Variants in TENM3 observed in about 807,000 individuals in gnomAD.
TENM3 encodes the protein teneurin-3.
Under a neutral mutation model 255.1 loss-of-function variants are expected in TENM3, and 63 were observed. The ratio of observed to expected loss-of-function variants is 0.25; its 90% CI spans 0.20 to 0.30. The LOEUF (loss-of-function observed/expected upper bound fraction) is 0.30. Among genes scored for constraint, TENM3 ranks in the 10% least tolerant of loss-of-function variants. The pLI is 1.00. For synonymous variants in TENM3, 1,306 were observed against 1,322.3 expected (o/e 0.99, Z 0.27); for missense variants, 2,929 against 3,461.1 (o/e 0.85, Z 3.86).
At chr4:182,611,467 A>C (rs1224950486) in intron 4 of TENM3, among the ~76,000 whole-genome samples, 1 of 151,986 alleles carries the variant, frequency 6.6e-6, no homozygotes, top group Non-Finnish European at 1.5e-5. Flanking sequence ...TTTCAATTCT[A>C]ACATTTATAT....
intron 1 of TENM3, among the ~76,000 whole-genome samples, chr4:182,284,973 A>G (rs954937956): frequency 1.3e-5 from 2 of 152,182 alleles, no homozygotes; most frequent in Non-Finnish European, 2.9e-5. Context: ...ATCTGGGTCA[A>G]AGAGGCACAA....
chr4:181,607,611 G>A, the TENM3 span, among the ~76,000 whole-genome samples: 1 of 151,742 alleles, frequency 6.6e-6, no homozygotes, highest in Non-Finnish European at 1.5e-5. Flanking sequence ...CACCATGTTG[G>A]CCAGGATGGT....
intron 3 of TENM3, among the ~76,000 whole-genome samples, chr4:182,362,074 G>A (rs1191393137): frequency 1.3e-5 from 2 of 152,122 alleles, no homozygotes; most frequent in East Asian, 3.9e-4. Context: ...TAGTTCCTCT[G>A]GAAGTTTTGT....
At chr4:181,609,115 T>C in the TENM3 span, among the ~76,000 whole-genome samples, 5 of 150,682 alleles carry the variant, frequency 3.3e-5, no homozygotes, top group African/African-American at 1.2e-4. Context: ...AAAAAAGGAG[T>C]AGGGTAGGGA....
At chr4:181,922,828 G>T in the TENM3 span, among the ~76,000 whole-genome samples, 1 of 151,564 alleles carries the variant, frequency 6.6e-6, no homozygotes, top group African/African-American at 2.4e-5. Flanking sequence ...TGTGATGTTA[G>T]GGTGTCAATT....
At chr4:182,104,615 G>A in the TENM3 span, among the ~76,000 whole-genome samples, 4 of 148,850 alleles carry the variant, frequency 2.7e-5, no homozygotes, top group Non-Finnish European at 5.9e-5. Flanking sequence ...GGGTTCAAGG[G>A]ATTCTCCTGC....
At chr4:182,577,600 G>A (rs1019941279) in intron 3 of TENM3, among the ~76,000 whole-genome samples, 6 of 152,184 alleles carry the variant, frequency 3.9e-5, no homozygotes, top group Non-Finnish European at 7.3e-5. Context: ...ACAGGAGACT[G>A]CAGTGGTTAT....
the TENM3 span, among the ~76,000 whole-genome samples, chr4:181,479,184 C>G: frequency 8.5e-5 from 13 of 152,098 alleles, no homozygotes; most frequent in African/African-American, 2.7e-4. Flanking sequence ...TTATTTTAAA[C>G]AGTGATATTT....
chr4:181,535,219 C>A, the TENM3 span, among the ~76,000 whole-genome samples: 7 of 152,262 alleles, frequency 4.6e-5, no homozygotes, highest in Admixed American at 2.6e-4. Context: ...TGAGGCTTCC[C>A]GACCCACCAG....
intron 1 of TENM3, among the ~76,000 whole-genome samples, chr4:182,156,295 G>A (rs192503901): frequency 3.3e-5 from 5 of 152,186 alleles, no homozygotes; most frequent in Admixed American, 2.0e-4. Context: ...TGAGGTACGC[G>A]CCACTGAAGC....
the TENM3 span, among the ~76,000 whole-genome samples, chr4:181,716,724 T>C: frequency 1.3e-5 from 2 of 152,206 alleles, no homozygotes; most frequent in African/African-American, 4.8e-5. Flanking sequence ...ACAAAGTAAG[T>C]CCTCATTAGA....
At chr4:181,672,243 G>C in the TENM3 span, among the ~76,000 whole-genome samples, 3 of 152,132 alleles carry the variant, frequency 2.0e-5, no homozygotes, top group Non-Finnish European at 4.4e-5. Flanking sequence ...CTGTGAAATA[G>C]AGAATAATAA....
intron 1 of TENM3, among the ~76,000 whole-genome samples, chr4:182,177,821 T>C (rs948894239): frequency 2.0e-5 from 3 of 151,992 alleles, no homozygotes; most frequent in African/African-American, 7.2e-5. Context: ...AGCCACTGTG[T>C]CCTGCTCTTA....
chr4:181,594,795 T>C, the TENM3 span, among the ~76,000 whole-genome samples: 1 of 152,158 alleles, frequency 6.6e-6, no homozygotes, highest in African/African-American at 2.4e-5. Context: ...CATGGCCAAA[T>C]AGAATTCTTG....
At chr4:182,728,016 C>G (rs936972270) in intron 13 of TENM3, among the ~76,000 whole-genome samples, 3 of 151,888 alleles carry the variant, frequency 2.0e-5, no homozygotes, top group African/African-American at 7.3e-5. Flanking sequence ...ACCTGTCACC[C>G]CGCCTGGCTA....
the TENM3 span, among the ~76,000 whole-genome samples, chr4:182,121,945 C>T: frequency 1.3e-5 from 2 of 152,218 alleles, no homozygotes; most frequent in Non-Finnish European, 2.9e-5. Context: ...CCTCTCAAAC[C>T]TTTCCACTGC....
chr4:181,447,990 G>C, the TENM3 span, among the ~76,000 whole-genome samples: 43 of 151,910 alleles, frequency 2.8e-4, no homozygotes, highest in African/African-American at 1.0e-3. Context: ...GTGCGTGTAA[G>C]TGTGCAATGC....
chr4:181,831,199 C>T, the TENM3 span, among the ~76,000 whole-genome samples: 1 of 151,950 alleles, frequency 6.6e-6, no homozygotes, highest in Non-Finnish European at 1.5e-5. Flanking sequence ...CTTCACTTCC[C>T]ACAAATATTA....
At chr4:181,626,478 T>A in the TENM3 span, among the ~76,000 whole-genome samples, 1 of 152,216 alleles carries the variant, frequency 6.6e-6, no homozygotes, top group Non-Finnish European at 1.5e-5. Context: ...CTCCAGCATC[T>A]GCTTCTGATG....
Sources: allele counts gnomAD v4.1 joint callset (sites outside exome capture counted in the v4.1 genomes callset), GRCh38; gene constraint gnomAD v4.1.1; transcripts MANE v1.5; gene names NCBI Gene and HGNC (gene_info 2026-07-23, HGNC 2026-07-21).